The following DUSP4 variants were observed in gnomAD, a reference collection of about 807,000 sequenced individuals.
DUSP4 encodes the protein dual specificity phosphatase 4, also known as dual specificity protein phosphatase 4.
DUSP4 carries 12 observed loss-of-function variants against 27.2 expected under a neutral mutation model. The observed-to-expected ratio is 0.44, with a 90% CI of 0.28 to 0.71. The LOEUF (loss-of-function observed/expected upper bound fraction) is 0.71, where lower values mean the gene tolerates loss of function less well. DUSP4 is among the 30% of genes least tolerant of loss of function. The pLI is 0.14. For missense variants in DUSP4, 448 were observed against 551.3 expected (o/e 0.81, Z 1.88); for synonymous variants, 257 against 245.2 (o/e 1.05, Z -0.45).
At chr8:29,343,474 C>T (rs150072220) in intron 1 of DUSP4, among the ~76,000 whole-genome samples, 2 of 152,194 alleles carry the variant, frequency 1.3e-5, no homozygotes, top group Non-Finnish European at 2.9e-5. Context: ...GTCCACCCCC[C>T]ACAGGGCCAT....
chr8:29,337,492 CG>C lies in DUSP4; in HGVS notation c.800-82del. The C allele has an allele frequency of 2.0e-6, 3 of 1,505,426 alleles. No homozygotes were observed. The highest frequency in any genetic ancestry group is 2.6e-5 in the South Asian group (2 of 75,782). The allele number at this position is 1,505,426 out of a possible 1,614,324, so 93.3% of individuals were successfully genotyped here. Reference sequence around the variant, plus strand: ...AGGGGCACCGGCCAGCCCCTGGGGTCGGGGGGCTCTGAAGGAAGGACTAGCC... The same window carrying C: ...AGGGGCACCGGCCAGCCCCTGGGGTCGGGGGCTCTGAAGGAAGGACTAGCC... On this transcript the variant is annotated intron_variant, in intron 3 of 3. Transcript: ENST00000240100. The surrounding 1 kb of genome is among the most constrained non-coding windows in gnomAD (Gnocchi z 6.4).
chr8:29,338,421 C>A lies in DUSP4; in HGVS notation c.660G>T (p.Leu220=), dbSNP rs1464271321. 1.2e-6 allele frequency: 2 copies of A among 1,614,174 alleles called. No homozygotes were observed. The highest frequency in any genetic ancestry group is 1.7e-6 in the Non-Finnish European group (2 of 1,180,042). Residue 220 remains leucine, a synonymous_variant, in exon 3 of 4, where the codon CTG becomes CTT. Coordinates refer to ENST00000240100, the MANE Select transcript of DUSP4 (RefSeq NM_001394.7). The part of the protein sequence containing the change: ...HAARRDMLDA[L]GITALLNVSS... ...AGACATTCAACAGAGCCGTGATGCC[C>A]AGGGCGTCCAGCATGTCTCTCCGGG... is the stretch of plus-strand genomic sequence containing the variant.
intron 1 of DUSP4, among the ~76,000 whole-genome samples, chr8:29,340,522 G>A (rs1817643672): frequency 6.6e-6 from 1 of 152,186 alleles, no homozygotes; most frequent in Non-Finnish European, 1.5e-5. Flanking sequence ...AGACGTGCAG[G>A]GGGATGTGCA....
intron 2 of DUSP4, among the ~76,000 whole-genome samples, chr8:29,338,960 G>C (rs966282201): frequency 2.6e-5 from 4 of 152,204 alleles, no homozygotes; most frequent in African/African-American, 9.7e-5. Context: ...AGGAGGCTGA[G>C]GTGGCAGGAT....
At position 29,350,633 on chromosome 8, in the gene DUSP4, C is replaced by G; in HGVS notation, c.-355G>C. 1 of 263,226 alleles carries G rather than the reference C, an allele frequency of 3.8e-6. No homozygotes were observed. Among genetic ancestry groups the G allele is most frequent in the Non-Finnish European group, 7.1e-6 (1 of 140,492 alleles). The allele number at this position is 263,226 out of a possible 1,614,324, so 16.3% of individuals were successfully genotyped here. On this transcript the variant is annotated 5_prime_UTR_variant, in exon 1 of 4. Coordinates refer to ENST00000240100, the MANE Select transcript of DUSP4 (RefSeq NM_001394.7). ...GCGCGGCTCCTGTCGCCACTGGCGC[C>G]AGCGCTGCCCTGCCTACGCTCCTCC...
chr8:29,347,910 G>A (rs1197909810), intron 1 of DUSP4: 6 of 985,376 alleles, frequency 6.1e-6, no homozygotes, highest in Non-Finnish European at 7.2e-6. Flanking sequence ...ATTCACGAGG[G>A]ACAGGGAAAT....
At chr8:29,346,730 T>A (rs959876047) in intron 1 of DUSP4, among the ~76,000 whole-genome samples, 1 of 152,226 alleles carries the variant, frequency 6.6e-6, no homozygotes, top group Non-Finnish European at 1.5e-5. Flanking sequence ...ATGTAAAGGC[T>A]AGGCTGTACT....
In DUSP4 at chr8:29,343,155, G is replaced by A. The variant is rs576277105; in HGVS notation, c.434-2912C>T. ...TGCATTCCAGCCTGGGCGTCAGAGC[G>A]AGACTCCATCTCAAAAAAAAAAAAA... On this transcript the variant is annotated intron_variant, in intron 1 of 3. Coordinates refer to ENST00000240100, the MANE Select transcript of DUSP4 (RefSeq NM_001394.7). 2.4e-3 allele frequency among the ~76,000 whole-genome samples: 315 copies of A among 131,926 alleles called. 2 individuals carry two copies. The highest frequency in any genetic ancestry group is 6.9e-3 in the African/African-American group (223 of 32,170). The allele number at this position is 131,926 out of a possible 152,430, so 86.5% of individuals were successfully genotyped here. A position where few individuals can be genotyped will look rare whatever the true frequency, so the allele number is the denominator to read the frequency against.
At position 29,335,522 on chromosome 8, in the gene DUSP4, C is replaced by T. The variant is rs1817559685; in HGVS notation, c.*1504G>A. On this transcript the variant is annotated 3_prime_UTR_variant, in exon 4 of 4. Transcript: ENST00000240100. The stretch of plus-strand genomic sequence containing the variant: ...TTCGAGAAGACCTGAAATGTGGTGT[C>T]CATTCCCCTCTTTATTCAAAAGAGG... 6.6e-6 allele frequency: 1 copy of T among 152,176 alleles called. No homozygotes were observed. Among genetic ancestry groups the T allele is most frequent in the Non-Finnish European group, 1.5e-5 (1 of 68,038 alleles). 9.4% of individuals were successfully genotyped at this position (152,176 alleles called of 1,614,324 possible). A position where few individuals can be genotyped will look rare whatever the true frequency, so the allele number is the denominator to read the frequency against.
At chr8:29,338,032 C>T (rs1281262425) in intron 3 of DUSP4, among the ~76,000 whole-genome samples, 1 of 152,180 alleles carries the variant, frequency 6.6e-6, no homozygotes, top group African/African-American at 2.4e-5. Flanking sequence ...AAAACTCTTA[C>T]CATCTAGGCA....
intron 1 of DUSP4, among the ~76,000 whole-genome samples, chr8:29,342,456 G>A (rs1002348274): frequency 2.0e-5 from 3 of 152,170 alleles, no homozygotes; most frequent in Admixed American, 6.5e-5. Flanking sequence ...TGCCTACATG[G>A]AGGGGTGCCC....
chr8:29,338,973 T>C (rs976413980), intron 2 of DUSP4, among the ~76,000 whole-genome samples: 4 of 152,208 alleles, frequency 2.6e-5, no homozygotes, highest in African/African-American at 7.2e-5. Context: ...GGCAGGATCA[T>C]GTGAGCCAGG....
intron 1 of DUSP4, chr8:29,348,694 C>A (rs1306792191): frequency 2.0e-6 from 2 of 985,064 alleles, no homozygotes; most frequent in Admixed American, 1.2e-4. Flanking sequence ...CCCTTCCTCC[C>A]GGGTGGACAG....
At position 29,337,054 on chromosome 8, in the gene DUSP4, C is replaced by A. The variant is rs1358131586; in HGVS notation, c.1157G>T (p.Ser386Ile). The A allele has an allele frequency of 1.2e-6, 2 of 1,605,188 alleles. No individual in the cohort carries two copies. Among genetic ancestry groups the A allele is most frequent in the African/African-American group, 1.3e-5 (1 of 74,984 alleles). ...SAPSSLPYLH[S>I]PITTSPSC ...ACAGCTGGGAGAGGTGGTGATGGGG[C>A]TGTGCAGGTAGGGCAGGCTGCTGGG... Residue 386 changes from serine to isoleucine, a missense_variant, in exon 4 of 4, where the codon AGC becomes ATC. By Grantham distance (142) the Ser-to-Ile change is moderately radical. Transcript: ENST00000240100. This position sits in a 1 kb window ranked among gnomAD's most constrained non-coding sequence, Gnocchi z 6.4.
chr8:29,340,540 C>A (rs1817643922), intron 1 of DUSP4, among the ~76,000 whole-genome samples: 1 of 152,170 alleles, frequency 6.6e-6, no homozygotes, highest in African/African-American at 2.4e-5. Context: ...GCAGAAGTGA[C>A]TGTGGAGTAG....
intron 1 of DUSP4, chr8:29,347,948 A>C (rs1817759245): frequency 8.1e-6 from 8 of 985,494 alleles, no homozygotes; most frequent in Non-Finnish European, 9.6e-6. Context: ...TAAATCTTAA[A>C]AAATAATCCC....
In DUSP4 at chr8:29,338,337, T is replaced by C. The variant is rs773551041; in HGVS notation, c.744A>G (p.Glu248=). The C allele has an allele frequency of 6.2e-7, 1 of 1,614,216 alleles. No individual in the cohort carries two copies. Among genetic ancestry groups the C allele is most frequent in the Non-Finnish European group, 8.5e-7 (1 of 1,180,034 alleles). The change falls in exon 3 of 4, where the codon GAA becomes GAG. Residue 248 remains glutamate (E), a synonymous_variant. Transcript: ENST00000240100. ...GHYQYKCIPV[E]DNHKADISSW... is the part of the protein sequence containing the mutation. ...AGCTGATGTCGGCCTTGTGGTTATC[T>C]TCCACTGGGATGCACTTGTACTGAT...
Position 29,335,654 on chromosome 8 carries a change from AAAAAG to A in DUSP4, c.*1367_*1371del, listed in dbSNP as rs1817561250. 1 of 152,220 alleles carries A rather than the reference AAAAAG, an allele frequency of 6.6e-6. No homozygotes were observed. The highest frequency in any genetic ancestry group is 1.5e-5 in the Non-Finnish European group (1 of 68,036). 9.4% of individuals were successfully genotyped at this position (152,220 alleles called of 1,614,324 possible). A position where few individuals can be genotyped will look rare whatever the true frequency, so the allele number is the denominator to read the frequency against. ...AAATTAAAACCTCCAATTTATGCAA[AAAAAG>A]AAAAGATGGTGCTTCAATTTACAAA... On this transcript the variant is annotated 3_prime_UTR_variant, in exon 4 of 4. Coordinates refer to ENST00000240100, the MANE Select transcript of DUSP4 (RefSeq NM_001394.7).
At position 29,349,892 on chromosome 8, in the gene DUSP4, C is replaced by T; in HGVS notation, c.387G>A (p.Gln129=). 1 of 1,544,768 alleles carries T rather than the reference C, an allele frequency of 6.5e-7. No individual in the cohort carries two copies. The highest frequency in any genetic ancestry group is 1.2e-5 in the South Asian group (1 of 83,318). ...REDSTVSLVV[Q]ALRRNAERTD... is the part of the protein sequence containing the mutation. Reference sequence around the variant, plus strand: ...TGCGCTCGGCGTTGCGGCGCAGCGCCTGCACCACCAGCGACACGGTGCTGT... The same window carrying T: ...TGCGCTCGGCGTTGCGGCGCAGCGCTTGCACCACCAGCGACACGGTGCTGT... The change falls in exon 1 of 4, where the codon CAG becomes CAA. Residue 129 remains glutamine, a synonymous_variant. Coordinates refer to ENST00000240100, the MANE Select transcript of DUSP4 (RefSeq NM_001394.7).
Sources: gnomAD v4.1 joint callset for allele counts (sites outside exome capture counted in the v4.1 genomes callset) on GRCh38, gnomAD v4.1.1 for gene constraint, Gnocchi (gnomAD v3.1) non-coding constraint, MANE v1.5 for transcripts, NCBI Gene and HGNC (gene_info 2026-07-23, HGNC 2026-07-21) for gene names.